Variants in MAP3K19 observed in about 807,000 individuals in gnomAD.
MAP3K19 encodes SPS1/STE20-related protein kinase YSK4.
A neutral mutation model predicts 114.4 loss-of-function variants in MAP3K19; 91 were observed. That is an observed-to-expected ratio of 0.80 (90% CI 0.67 to 0.95). The LOEUF is 0.95. Among genes scored for constraint, MAP3K19 ranks in the 40% least tolerant of loss-of-function variants. The pLI is 0.00. For synonymous variants in MAP3K19, 518 were observed against 530.5 expected, an observed-to-expected ratio of 0.98 and a Z score of 0.32; for missense variants, 1,471 against 1,573.2, an observed-to-expected ratio of 0.94 and a Z score of 1.10.
chr2:134,998,553 T>C (rs1342693705), intron 8 of MAP3K19, among the ~76,000 whole-genome samples, 185 bp downstream of exon 8: 2 of 152,210 alleles, frequency 1.3e-5, no homozygotes, highest in African/African-American at 4.8e-5. Flanking sequence ...TTCATTTTAC[T>C]TGTTTACTAG....
Position 134,964,937 on chromosome 2 carries a change from T to A in MAP3K19, c.3921-21A>T, listed in dbSNP as rs762271388. On this transcript the variant is annotated intron_variant, in intron 12 of 12. Transcript: ENST00000392915. Reference sequence around the variant, plus strand: ...GGTCCCTAAGAAGGGAAAAACACATTAGAAGCAGCAGCACTCAGTAATGAG... The same window carrying A: ...GGTCCCTAAGAAGGGAAAAACACATAAGAAGCAGCAGCACTCAGTAATGAG... 5.0e-6 allele frequency: 8 copies of A among 1,594,614 alleles called. No individual in the cohort carries two copies. The African/African-American group carries it at 1.1e-4, about 21-fold the overall frequency.
At chr2:134,980,688 C>A in intron 12 of MAP3K19, 133 bp downstream of exon 12, 2 of 753,616 alleles carry the variant, frequency 2.7e-6, no homozygotes, top group East Asian at 2.7e-5. Flanking sequence ...TGATTACTTT[C>A]GGCACAAAAT....
intron 1 of MAP3K19, among the ~76,000 whole-genome samples, chr2:135,045,718 C>CA (rs1184872579): frequency 1.3e-5 from 2 of 152,016 alleles, no homozygotes; most frequent in Non-Finnish European, 2.9e-5. Context: ...TAAAATAAAA[C>CA]AAAAAAATTT....
At chr2:134,995,796 G>T (rs989910040) in intron 8 of MAP3K19, among the ~76,000 whole-genome samples, 2 of 152,144 alleles carry the variant, frequency 1.3e-5, no homozygotes, top group African/African-American at 4.8e-5. Flanking sequence ...CAAAGATTGG[G>T]AAAATTGGGC....
At chr2:135,018,623 A>G (rs550900271) in intron 5 of MAP3K19, among the ~76,000 whole-genome samples, 1 of 152,348 alleles carries the variant, frequency 6.6e-6, no homozygotes, top group South Asian at 2.1e-4. Context: ...TACAGGCATA[A>G]GCCACTGCAC....
In MAP3K19 at chr2:135,033,347, G is replaced by A. The variant is rs1192919108; in HGVS notation, c.-283-2847C>T. On this transcript the variant is annotated intron_variant, in intron 2 of 12. Coordinates refer to ENST00000392915, the MANE Select transcript of MAP3K19 (RefSeq NM_025052.5). ...CAGAGGCGCCCCTCACCTCCCGGACGGGGCAGCTGGCCGGGTGGGGGGCTG... is the reference window on the plus strand; with the variant it reads ...CAGAGGCGCCCCTCACCTCCCGGACAGGGCAGCTGGCCGGGTGGGGGGCTG... Among the ~76,000 whole-genome samples, 12 of 118,828 alleles carry A rather than the reference G, an allele frequency of 1.0e-4. 2 individuals carry two copies. Among genetic ancestry groups the A allele is most frequent in the Admixed American group, 7.4e-4 (9 of 12,140 alleles). The allele number at this position is 118,828 out of a possible 152,430, so 78.0% of individuals were successfully genotyped here.
At chr2:134,991,836 GCAGAC>G (rs1180538308) in intron 8 of MAP3K19, among the ~76,000 whole-genome samples, 3 of 152,164 alleles carry the variant, frequency 2.0e-5, no homozygotes, top group Non-Finnish European at 4.4e-5. Context: ...GGACCAGAGA[GCAGAC>G]CATTTATCAC....
At chr2:134,996,774 C>T (rs1686021569) in intron 8 of MAP3K19, among the ~76,000 whole-genome samples, 1 of 152,140 alleles carries the variant, frequency 6.6e-6, no homozygotes, top group Non-Finnish European at 1.5e-5. Flanking sequence ...GTGGCTCATG[C>T]CTGTAATTCC....
intron 12 of MAP3K19, among the ~76,000 whole-genome samples, chr2:134,971,842 T>G (rs1332998546): frequency 6.6e-6 from 1 of 151,938 alleles, no homozygotes; most frequent in Non-Finnish European, 1.5e-5. Context: ...TTATTGATTT[T>G]ATTTTTTTTT....
At chr2:134,976,439 A>G (rs551130537) in intron 12 of MAP3K19, among the ~76,000 whole-genome samples, 1 of 152,322 alleles carries the variant, frequency 6.6e-6, no homozygotes, top group African/African-American at 2.4e-5. Flanking sequence ...CTCTCGGCCA[A>G]TCTCAACCAA....
At chr2:135,023,674 C>A (rs1688130475) in intron 4 of MAP3K19, 2 of 425,382 alleles carry the variant, frequency 4.7e-6, no homozygotes, top group Non-Finnish European at 9.7e-6. Context: ...CACAATGTCT[C>A]CTAGACCCAC....
chr2:135,032,372 A>AAAAAAGAG lies in MAP3K19; in HGVS notation c.-283-1873_-283-1872insCTCTTTTT, dbSNP rs765508585. Among the ~76,000 whole-genome samples the AAAAAAGAG allele has an allele frequency of 1.4e-5, 2 of 145,346 alleles. 1 individual carries two copies. The highest frequency in any genetic ancestry group is 5.2e-5 in the African/African-American group (2 of 38,522). ...ACTCTGTCTGAAAAAAAAAAAAAAA[A>AAAAAAGAG]AGAAAAGAAAAGAAAAACAGTCTGT... is the stretch of plus-strand genomic sequence containing the variant. On this transcript the variant is annotated intron_variant, in intron 2 of 12. Coordinates refer to ENST00000392915, the MANE Select transcript of MAP3K19 (RefSeq NM_025052.5).
intron 8 of MAP3K19, among the ~76,000 whole-genome samples, chr2:134,993,183 C>T (rs1426840386): frequency 6.6e-6 from 1 of 152,162 alleles, no homozygotes; most frequent in African/African-American, 2.4e-5. Context: ...GCCTCTCCTC[C>T]CTTGTTTTTC....
In MAP3K19 at chr2:135,031,517, C is replaced by T. The variant is rs190214699; in HGVS notation, c.-283-1017G>A. On this transcript the variant is annotated intron_variant, in intron 2 of 12. Transcript: ENST00000392915. ...CAGCTGTGCCTCAGTCCTGAAAGAC[C>T]TGACAAACCCCTCTGAGGAGTTAGG... 5.8e-4 allele frequency among the ~76,000 whole-genome samples: 89 copies of T among 152,320 alleles called. No homozygotes were observed. In the East Asian group the frequency reaches 0.016, roughly 27 times the overall value.
At chr2:135,038,462 T>C (rs945956945) in intron 2 of MAP3K19, among the ~76,000 whole-genome samples, 2 of 152,112 alleles carry the variant, frequency 1.3e-5, no homozygotes, top group Non-Finnish European at 2.9e-5. Context: ...TTGCTGCTTC[T>C]GTTCATTATC....
intron 12 of MAP3K19, among the ~76,000 whole-genome samples, chr2:134,970,535 A>T (rs571573562): frequency 1.7e-4 from 26 of 151,466 alleles, no homozygotes; most frequent in Admixed American, 1.1e-3. Context: ...TTTTCTAGAT[A>T]TAAGATCACG....
intron 1 of MAP3K19, 198 bp from the exon 2 acceptor site, chr2:135,040,700 TA>T (rs928249433): frequency 6.6e-6 from 1 of 152,148 alleles, no homozygotes; most frequent in African/African-American, 2.4e-5. Flanking sequence ...ATTTTGAAAA[TA>T]GGGGGAAATG....
intron 1 of MAP3K19, among the ~76,000 whole-genome samples, chr2:135,042,226 C>T (rs1003758100): frequency 6.6e-6 from 1 of 152,096 alleles, no homozygotes; most frequent in African/African-American, 2.4e-5. Flanking sequence ...CATTCATTGC[C>T]AGGTAGTGGC....
At chr2:135,036,603 T>C (rs1171260752) in intron 2 of MAP3K19, among the ~76,000 whole-genome samples, 2 of 152,020 alleles carry the variant, frequency 1.3e-5, no homozygotes, top group South Asian at 2.1e-4. Flanking sequence ...GTCTGTAATA[T>C]ACAAGTGGAA....
Sources: gnomAD v4.1 joint callset for allele counts (sites outside exome capture counted in the v4.1 genomes callset) on GRCh38, gnomAD v4.1.1 for gene constraint, MANE v1.5 for transcripts, NCBI Gene and HGNC (gene_info 2026-07-23, HGNC 2026-07-21) for gene names.